Variants in FBXO34 observed in about 807,000 individuals in gnomAD.
FBXO34 encodes the protein F-box protein 34.
In FBXO34, 12 loss-of-function variants were observed where a neutral mutation model predicts 24.5. The ratio of observed to expected loss-of-function variants is 0.49; its 90% CI spans 0.31 to 0.79. The LOEUF is 0.79. FBXO34 is among the 30% of genes least tolerant of loss of function. The probability of loss-of-function intolerance (pLI) is 0.04; values close to 1 mark genes in which losing one functional copy is unlikely to be tolerated. For missense variants in FBXO34, 823 were observed against 857.7 expected (o/e 0.96, Z 0.51); for synonymous variants, 320 against 311.9 (o/e 1.03, Z -0.27).
chr14:55,280,775 C>T (rs1367708193), intron 1 of FBXO34, among the ~76,000 whole-genome samples: 1 of 152,060 alleles, frequency 6.6e-6, no homozygotes, highest in Non-Finnish European at 1.5e-5. Flanking sequence ...ATCCTCCCGC[C>T]TCAGCCTTCC....
the FBXO34 span, chr14:55,397,399 T>A: frequency 6.2e-7 from 1 of 1,613,710 alleles, no homozygotes; most frequent in Non-Finnish European, 8.5e-7. Flanking sequence ...TTGCTTGCTC[T>A]TAAGTCGGCT....
chr14:55,272,201 G>A (rs1470339560), intron 1 of FBXO34: 1 of 152,326 alleles, frequency 6.6e-6, no homozygotes. Context: ...GGAAGGGCCG[G>A]GGGGACCCGC....
At chr14:55,410,515 A>G in the FBXO34 span, among the ~76,000 whole-genome samples, 1 of 152,244 alleles carries the variant, frequency 6.6e-6, no homozygotes, top group African/African-American at 2.4e-5. Context: ...CAAAACTAAA[A>G]AAGAGTTTGT....
chr14:55,318,423 CTT>C (rs35433368), intron 1 of FBXO34, among the ~76,000 whole-genome samples: 18 of 12,910 alleles, frequency 1.4e-3, no homozygotes, highest in African/African-American at 3.7e-3. Flanking sequence ...CAGTCAGTAA[CTT>C]TTTTTTTTTT....
chr14:55,380,737 A>G, the FBXO34 span: 1 of 1,275,884 alleles, frequency 7.8e-7, no homozygotes, highest in Non-Finnish European at 1.1e-6. Flanking sequence ...AATTCCAACA[A>G]AACTACTAAT....
chr14:55,312,924 G>A (rs1228184477), intron 1 of FBXO34, among the ~76,000 whole-genome samples: 3 of 152,156 alleles, frequency 2.0e-5, no homozygotes, highest in African/African-American at 7.2e-5. Context: ...TTAACATTTG[G>A]CTCCTTGTTA....
chr14:55,299,024 A>G (rs1314588677), intron 1 of FBXO34: 2 of 1,608,222 alleles, frequency 1.2e-6, no homozygotes, highest in Non-Finnish European at 1.7e-6. Context: ...CTGACCAGCA[A>G]GAACTTGGGG....
chr14:55,411,912 T>C, the FBXO34 span: 1 of 1,274,004 alleles, frequency 7.8e-7, no homozygotes. Flanking sequence ...GAAGGGGGGC[T>C]GGGATGCCGG....
Position 55,297,921 on chromosome 14 carries a change from A to T in FBXO34, c.-11+26384A>T, listed in dbSNP as rs114043201. Among the ~76,000 whole-genome samples, 692 of 152,340 alleles carry T rather than the reference A, an allele frequency of 4.5e-3. 6 individuals carry two copies. Among genetic ancestry groups the T allele is most frequent in the African/African-American group, 0.016 (661 of 41,576 alleles). On this transcript the variant is annotated intron_variant, in intron 1 of 1. Transcript: ENST00000313833. Reference sequence around the variant, plus strand: ...GCTTTCTTTGTTCCATGCAAAACAAACACTGACCGTCCACTTCTTGGACTT... The same window carrying T: ...GCTTTCTTTGTTCCATGCAAAACAATCACTGACCGTCCACTTCTTGGACTT...
chr14:55,278,585 C>A (rs1425719636), intron 1 of FBXO34, among the ~76,000 whole-genome samples: 1 of 152,164 alleles, frequency 6.6e-6, no homozygotes, highest in Non-Finnish European at 1.5e-5. Flanking sequence ...AGCCCTACAA[C>A]CTCATGCTAT....
chr14:55,307,044 C>CCTTTG (rs1882574081), intron 1 of FBXO34, among the ~76,000 whole-genome samples: 1 of 152,152 alleles, frequency 6.6e-6, no homozygotes, highest in Non-Finnish European at 1.5e-5. Flanking sequence ...TTTGGCTCAC[C>CCTTTG]CTTTGCTCTC....
chr14:55,414,770 C>T, the FBXO34 span, among the ~76,000 whole-genome samples: 1 of 152,184 alleles, frequency 6.6e-6, no homozygotes, highest in African/African-American at 2.4e-5. Context: ...TCATCAGCAC[C>T]TGCGGGCACT....
At position 55,352,086 on chromosome 14, in the gene FBXO34, C is replaced by T; in HGVS notation, c.1696C>T (p.Gln566Ter). The T allele has an allele frequency of 6.2e-7, 1 of 1,614,150 alleles. No individual in the cohort carries two copies. Among genetic ancestry groups the T allele is most frequent in the Non-Finnish European group, 8.5e-7 (1 of 1,180,038 alleles). The change falls in exon 2 of 2, where the codon CAG (glutamine) becomes TAG (stop). Residue 566 changes from glutamine (Q) to a stop codon, truncating the protein, a stop_gained. Coordinates refer to ENST00000313833, the MANE Select transcript of FBXO34 (RefSeq NM_017943.4). LOFTEE classifies it high-confidence loss of function. Reference protein sequence around the residue: ...HDFLETRFKIQQLLEPQQYMA... With the variant: ...HDFLETRFKI ...CTTCCTGGAGACCAGGTTTAAAATC[C>T]AGCAGCTTTTGGAGCCTCAGCAGTA... is the stretch of plus-strand genomic sequence containing the variant.
At chr14:55,367,138 A>G (rs1397492385) in intron 2 of FBXO34, 1 of 152,386 alleles carries the variant, frequency 6.6e-6, no homozygotes, top group Non-Finnish European at 1.5e-5. Context: ...TCTGGATTCT[A>G]TTCTTTAGCT....
intron 1 of FBXO34, among the ~76,000 whole-genome samples, chr14:55,297,624 T>A (rs1048601813): frequency 6.6e-6 from 1 of 152,226 alleles, no homozygotes; most frequent in African/African-American, 2.4e-5. Flanking sequence ...ATTAGGTAAT[T>A]TTAGATTATT....
At chr14:55,334,814 A>G (rs993693002) in intron 1 of FBXO34, among the ~76,000 whole-genome samples, 2 of 152,190 alleles carry the variant, frequency 1.3e-5, no homozygotes, top group Admixed American at 6.5e-5. Context: ...ACCTTTTCTC[A>G]CATGTTCGGA....
chr14:55,394,695 T>A, the FBXO34 span, among the ~76,000 whole-genome samples: 2 of 152,152 alleles, frequency 1.3e-5, no homozygotes, highest in Non-Finnish European at 2.9e-5. Context: ...AAGGAGCAGT[T>A]TTCTTTAGGA....
downstream of FBXO34, among the ~76,000 whole-genome samples, chr14:55,365,705 C>A (rs1228792851): frequency 6.6e-6 from 1 of 152,152 alleles, no homozygotes; most frequent in Non-Finnish European, 1.5e-5. Flanking sequence ...ACCACCAAAG[C>A]ACACACCCTG....
At chr14:55,287,395 GCAGT>G (rs1275689090) in intron 1 of FBXO34, among the ~76,000 whole-genome samples, 2 of 152,172 alleles carry the variant, frequency 1.3e-5, no homozygotes, top group African/African-American at 4.8e-5. Flanking sequence ...ATACTGATAA[GCAGT>G]CATTTTCTTA....
Sources: allele counts gnomAD v4.1 joint callset (sites outside exome capture counted in the v4.1 genomes callset), GRCh38; gene constraint gnomAD v4.1.1; transcripts MANE v1.5; gene names NCBI Gene and HGNC (gene_info 2026-07-23, HGNC 2026-07-21).